Variants in SLC44A1 observed in about 807,000 individuals in gnomAD.
SLC44A1 encodes the protein solute carrier family 44 member 1, also known as choline transporter-like protein 1.
In SLC44A1, 26 loss-of-function variants were observed where a neutral mutation model predicts 79.3. The ratio of observed to expected loss-of-function variants is 0.33; its 90% CI spans 0.24 to 0.46. The LOEUF is 0.46. Ranked by LOEUF, SLC44A1 falls within the 20% of genes least tolerant of loss-of-function variation. The pLI, the probability that SLC44A1 is intolerant of heterozygous loss-of-function variation, is 1.00. For synonymous variants in SLC44A1, 263 were observed against 286.2 expected (o/e 0.92, Z 0.82); for missense variants, 688 against 798.1 (o/e 0.86, Z 1.66).
downstream of SLC44A1, among the ~76,000 whole-genome samples, chr9:105,402,284 C>T (rs369669170): frequency 2.6e-4 from 40 of 152,014 alleles, no homozygotes; most frequent in Non-Finnish European, 4.3e-4. Flanking sequence ...AAGCCTGAGC[C>T]GGGGCCTAAG....
chr9:105,366,233 G>A (rs973491461), intron 11 of SLC44A1, 113 bp from the exon 12 acceptor site: 6 of 484,046 alleles, frequency 1.2e-5, no homozygotes, highest in African/African-American at 2.0e-5. Context: ...TGGAGGCTTT[G>A]AAGCATAAAT....
chr9:105,357,869 C>T (rs1341639049), intron 6 of SLC44A1, among the ~76,000 whole-genome samples: 8 of 152,202 alleles, frequency 5.3e-5, no homozygotes, highest in Non-Finnish European at 1.0e-4. Context: ...CATTTAGCTT[C>T]TTGACTGACT....
intron 12 of SLC44A1, among the ~76,000 whole-genome samples, chr9:105,371,956 T>C (rs1828117962): frequency 6.6e-6 from 1 of 152,160 alleles, no homozygotes; most frequent in African/African-American, 2.4e-5. Flanking sequence ...AGTTTATTTT[T>C]ACTTCATTGA....
rs1355483142 is a variant in SLC44A1, at chr9:105,356,305, T to C, written c.594T>C (p.Asn198=). The C allele has an allele frequency of 1.2e-6, 2 of 1,612,424 alleles. No individual in the cohort carries two copies. Among genetic ancestry groups the C allele is most frequent in the Admixed American group, 1.7e-5 (1 of 59,984 alleles). The part of the protein sequence containing the change: ...AEALITFVSD[N]SVLHRLISGV... ...CCCTGATCACCTTTGTCAGTGACAA[T>C]AGTGTCTTACACAGGCTGATTAGTG... Residue 198 remains asparagine, a synonymous_variant, in exon 6 of 16, where the codon AAT becomes AAC. Transcript: ENST00000374720.
chr9:105,380,768 C>A (rs1828438105), intron 13 of SLC44A1, among the ~76,000 whole-genome samples: 1 of 152,032 alleles, frequency 6.6e-6, no homozygotes, highest in Non-Finnish European at 1.5e-5. Context: ...TGATATAGAC[C>A]AGTACTTCTT....
chr9:105,326,958 C>T (rs1470732779), intron 3 of SLC44A1, among the ~76,000 whole-genome samples: 1 of 152,224 alleles, frequency 6.6e-6, no homozygotes, highest in African/African-American at 2.4e-5. Context: ...TGCTCCTCCT[C>T]CTGAGTCCCC....
chr9:105,351,948 A>G (rs1827461577), intron 5 of SLC44A1, among the ~76,000 whole-genome samples: 3 of 152,156 alleles, frequency 2.0e-5, no homozygotes, highest in African/African-American at 7.2e-5. Context: ...GTGAGTGTTC[A>G]ACAACAACAA....
intron 5 of SLC44A1, among the ~76,000 whole-genome samples, chr9:105,351,922 T>C (rs1262487592): frequency 1.3e-5 from 2 of 152,158 alleles, no homozygotes; most frequent in East Asian, 3.8e-4. Flanking sequence ...TCCAGGATGT[T>C]GTAGTCTATA....
chr9:105,266,470 G>A (rs1214868614), intron 1 of SLC44A1, among the ~76,000 whole-genome samples: 1 of 152,054 alleles, frequency 6.6e-6, no homozygotes, highest in African/African-American at 2.4e-5. Context: ...TATCCATTTT[G>A]CCAATCTTTA....
chr9:105,279,192 CAAAAA>C (rs370528584), intron 1 of SLC44A1, among the ~76,000 whole-genome samples: 766 of 75,116 alleles, frequency 0.01, 9 homozygotes, highest in African/African-American at 0.027. Context: ...AAGCAAGACT[CAAAAA>C]AAAAAAAAAA....
intron 1 of SLC44A1, among the ~76,000 whole-genome samples, chr9:105,296,359 A>G (rs1382117727): frequency 6.6e-6 from 1 of 152,180 alleles, no homozygotes; most frequent in East Asian, 1.9e-4. Flanking sequence ...CACAGACGTG[A>G]CCCACAGCAA....
rs1207327723 is a variant in SLC44A1 at position 105,391,578 on chromosome 9, A to G, written c.*2522A>G. On this transcript the variant is annotated 3_prime_UTR_variant, in exon 16 of 16. Transcript: ENST00000374720. Reference sequence around the variant, plus strand: ...GGAATATCACTCTTTCATGAGCTTTATTCCTTGATTAATTTGATAAAGCCT... The same window carrying G: ...GGAATATCACTCTTTCATGAGCTTTGTTCCTTGATTAATTTGATAAAGCCT... 7.1e-6 allele frequency: 7 copies of G among 985,320 alleles called. No homozygotes were observed. The East Asian group carries it at 7.9e-4, about 112-fold the overall frequency. The allele number at this position is 985,320 out of a possible 1,614,324, so 61.0% of individuals were successfully genotyped here. A position where few individuals can be genotyped will look rare whatever the true frequency, so the allele number is the denominator to read the frequency against.
intron 1 of SLC44A1, among the ~76,000 whole-genome samples, chr9:105,284,400 C>T (rs886435310): frequency 3.9e-5 from 6 of 152,084 alleles, no homozygotes; most frequent in Non-Finnish European, 8.8e-5. Context: ...TGTGTTTATA[C>T]TGCAGTCTGG....
intron 1 of SLC44A1, among the ~76,000 whole-genome samples, chr9:105,264,423 T>C (rs934302945): frequency 6.6e-6 from 1 of 152,200 alleles, no homozygotes; most frequent in Admixed American, 6.5e-5. Context: ...TGCTTTGGCC[T>C]CCTGAAGTGC....
chr9:105,286,509 T>C (rs1830482119), intron 1 of SLC44A1, among the ~76,000 whole-genome samples: 1 of 152,390 alleles, frequency 6.6e-6, no homozygotes, highest in South Asian at 2.1e-4. Flanking sequence ...TATGGTATTA[T>C]GATTTAGTGT....
intron 4 of SLC44A1, among the ~76,000 whole-genome samples, chr9:105,344,369 T>C (rs1280347249): frequency 6.6e-6 from 1 of 152,200 alleles, no homozygotes; most frequent in African/African-American, 2.4e-5. Context: ...TAATTGGCAA[T>C]GTCTGGAGAC....
intron 3 of SLC44A1, among the ~76,000 whole-genome samples, chr9:105,311,212 CT>C (rs1831171820): frequency 6.6e-6 from 1 of 152,042 alleles, no homozygotes; most frequent in Non-Finnish European, 1.5e-5. Flanking sequence ...TTTGAAATAA[CT>C]TTAGACTCAT....
intron 5 of SLC44A1, among the ~76,000 whole-genome samples, chr9:105,355,212 G>A (rs148005481): frequency 1.3e-4 from 20 of 152,282 alleles, no homozygotes; most frequent in Middle Eastern, 3.4e-3. Flanking sequence ...AGGCATATTC[G>A]TAGTTCTTTG....
At chr9:105,370,083 A>G (rs1298852619) in intron 12 of SLC44A1, among the ~76,000 whole-genome samples, 1 of 152,228 alleles carries the variant, frequency 6.6e-6, no homozygotes, top group African/African-American at 2.4e-5. Flanking sequence ...AACTCCAGAT[A>G]AGGAAGGCTG....
Sources: allele counts gnomAD v4.1 joint callset (sites outside exome capture counted in the v4.1 genomes callset), GRCh38; gene constraint gnomAD v4.1.1; transcripts MANE v1.5; gene names NCBI Gene and HGNC (gene_info 2026-07-23, HGNC 2026-07-21).